RSPO2: variants seen among roughly 807,000 people sequenced by gnomAD.
The protein encoded by RSPO2 is R-spondin 2.
A neutral mutation model predicts 30.9 loss-of-function variants in RSPO2; 14 were observed. The ratio of observed to expected loss-of-function variants is 0.45; its 90% CI spans 0.30 to 0.71. The LOEUF is 0.71. Ranked by LOEUF, RSPO2 falls within the 30% of genes least tolerant of loss-of-function variation. The probability of loss-of-function intolerance (pLI) is 0.08; values close to 1 mark genes in which losing one functional copy is unlikely to be tolerated. For missense variants in RSPO2, 264 were observed against 301.9 expected (o/e 0.87, Z 0.93); for synonymous variants, 107 against 96.4 (o/e 1.11, Z -0.64).
intron 3 of RSPO2, among the ~76,000 whole-genome samples, chr8:107,967,216 G>C (rs1031891171): frequency 2.0e-5 from 3 of 152,116 alleles, no homozygotes; most frequent in Admixed American, 2.0e-4. Context: ...TTCAAAATTA[G>C]ACTTTCAGCA....
intron 2 of RSPO2, among the ~76,000 whole-genome samples, chr8:108,024,332 T>C (rs1423711430): frequency 1.3e-5 from 2 of 152,114 alleles, no homozygotes; most frequent in African/African-American, 4.8e-5. Context: ...GGATAAGTTG[T>C]GGTACTTCCA....
At chr8:108,012,374 A>C (rs1001108179) in intron 2 of RSPO2, among the ~76,000 whole-genome samples, 5 of 152,328 alleles carry the variant, frequency 3.3e-5, no homozygotes, top group African/African-American at 1.2e-4. Context: ...TCTGCTTTTG[A>C]ACAAGATTCT....
intron 2 of RSPO2, among the ~76,000 whole-genome samples, chr8:108,078,430 T>C (rs925846932): frequency 6.6e-6 from 1 of 152,244 alleles, no homozygotes; most frequent in African/African-American, 2.4e-5. Flanking sequence ...AAAATGTGTT[T>C]TGAAACTTTT....
chr8:108,071,558 A>G (rs2130725242), intron 2 of RSPO2, among the ~76,000 whole-genome samples: 1 of 152,364 alleles, frequency 6.6e-6, no homozygotes, highest in Middle Eastern at 3.4e-3. Context: ...CATCAGTGGA[A>G]GGAATGCTAT....
intron 2 of RSPO2, among the ~76,000 whole-genome samples, chr8:108,023,925 CCTCTAGTTAGAAG>C (rs1333603056): frequency 6.6e-6 from 1 of 152,072 alleles, no homozygotes; most frequent in Non-Finnish European, 1.5e-5. Context: ...TCTTTTAGAA[CCTCTAGTTAGAAG>C]CCACTCAGAT....
chr8:107,906,545 T>C (rs573415690), intron 5 of RSPO2, among the ~76,000 whole-genome samples: 1 of 152,064 alleles, frequency 6.6e-6, no homozygotes, highest in South Asian at 2.1e-4. Flanking sequence ...GTAAGCAGAT[T>C]CTTTTGCAGA....
chr8:107,942,334 T>C (rs1273917358), intron 5 of RSPO2, among the ~76,000 whole-genome samples: 4 of 152,192 alleles, frequency 2.6e-5, no homozygotes, highest in Non-Finnish European at 5.9e-5. Flanking sequence ...TTAAAAACCA[T>C]TTGCAGTGCT....
At chr8:108,025,105 A>G (rs1811171054) in intron 2 of RSPO2, among the ~76,000 whole-genome samples, 1 of 151,818 alleles carries the variant, frequency 6.6e-6, no homozygotes, top group African/African-American at 2.4e-5. Flanking sequence ...AAATGTGTAT[A>G]CACACACACA....
chr8:107,976,272 G>A (rs1213397603), intron 3 of RSPO2, among the ~76,000 whole-genome samples: 1 of 152,096 alleles, frequency 6.6e-6, no homozygotes, highest in Non-Finnish European at 1.5e-5. Context: ...TTTTTACTTT[G>A]TTTTCTCCAA....
At chr8:108,005,398 G>A (rs1199137033) in intron 2 of RSPO2, among the ~76,000 whole-genome samples, 1 of 152,128 alleles carries the variant, frequency 6.6e-6, no homozygotes, top group Admixed American at 6.5e-5. Flanking sequence ...TCCAAGAATT[G>A]ATGATTTTTG....
chr8:108,043,063 G>A (rs1811804528), intron 2 of RSPO2, among the ~76,000 whole-genome samples: 1 of 152,118 alleles, frequency 6.6e-6, no homozygotes, highest in Non-Finnish European at 1.5e-5. Flanking sequence ...ACTATTGGAT[G>A]GGGAAGAGGC....
intron 5 of RSPO2, among the ~76,000 whole-genome samples, chr8:107,948,909 T>C (rs1158625574): frequency 6.7e-6 from 1 of 149,952 alleles, no homozygotes; most frequent in Non-Finnish European, 1.5e-5. Flanking sequence ...AGAAAATACA[T>C]ATTTATTGAC....
chr8:107,944,972 G>A (rs1813011411), intron 5 of RSPO2, among the ~76,000 whole-genome samples: 1 of 151,938 alleles, frequency 6.6e-6, no homozygotes, highest in East Asian at 1.9e-4. Context: ...AGATAAACTA[G>A]TGATAAACTC....
chr8:108,015,049 A>G (rs1007965502), intron 2 of RSPO2, among the ~76,000 whole-genome samples: 6 of 152,146 alleles, frequency 3.9e-5, no homozygotes, highest in Admixed American at 2.6e-4. Flanking sequence ...CACTTGCTAC[A>G]TATTTTCTTT....
intron 2 of RSPO2, among the ~76,000 whole-genome samples, chr8:108,011,569 G>T (rs1246707416): frequency 2.0e-5 from 3 of 152,082 alleles, no homozygotes; most frequent in East Asian, 1.9e-4. Context: ...AATAATTTTG[G>T]TACCAAAGTA....
chr8:108,000,868 G>A (rs934436870), intron 2 of RSPO2, among the ~76,000 whole-genome samples: 1 of 152,094 alleles, frequency 6.6e-6, no homozygotes, highest in Non-Finnish European at 1.5e-5. Context: ...CAGGTGTGGT[G>A]GTGGGCGCCT....
intron 5 of RSPO2, among the ~76,000 whole-genome samples, chr8:107,906,866 A>G (rs1412056155): frequency 6.6e-6 from 1 of 152,004 alleles, no homozygotes; most frequent in Non-Finnish European, 1.5e-5. Context: ...TCAAGCTAAT[A>G]ATCAAGCGAA....
rs139972848 is a variant in RSPO2, at chr8:108,067,870, C to T, written c.94+14675G>A. ...TTGGGAGGCCGAGGCAGGCAGATCA[C>T]AAAGGTCAGGAGTTTGAGACCAGCC... On this transcript the variant is annotated intron_variant, in intron 2 of 5. Transcript: ENST00000276659. 1.7e-3 allele frequency among the ~76,000 whole-genome samples: 265 copies of T among 152,218 alleles called. 1 individual carries two copies. The highest frequency in any genetic ancestry group is 6.1e-3 in the African/African-American group (253 of 41,552).
At chr8:107,904,829 G>A (rs1222851926) in intron 5 of RSPO2, among the ~76,000 whole-genome samples, 1 of 151,996 alleles carries the variant, frequency 6.6e-6, no homozygotes, top group Non-Finnish European at 1.5e-5. Flanking sequence ...TCACTGGCAA[G>A]ACAAGATTAT....
Sources: gnomAD v4.1 joint callset for allele counts (sites outside exome capture counted in the v4.1 genomes callset) on GRCh38, gnomAD v4.1.1 for gene constraint, MANE v1.5 for transcripts, NCBI Gene and HGNC (gene_info 2026-07-23, HGNC 2026-07-21) for gene names.